The following ADPRHL1 variants were observed in gnomAD, a reference collection of about 807,000 sequenced individuals.
ADPRHL1 encodes ADP-ribosylhydrolase like 1, also known as inactive ADP-ribosyltransferase ARH2.
Under a neutral mutation model 44.1 loss-of-function variants are expected in ADPRHL1, and 43 were observed. The ratio of observed to expected loss-of-function variants is 0.98; its 90% CI spans 0.76 to 1.26. The LOEUF (loss-of-function observed/expected upper bound fraction) is 1.26, where lower values mean the gene tolerates loss of function less well. ADPRHL1 is among the 50% of genes most tolerant of loss of function. The pLI, the probability that ADPRHL1 is intolerant of heterozygous loss-of-function variation, is 0.00. For synonymous variants in ADPRHL1, 878 were observed against 1,017.4 expected, an observed-to-expected ratio of 0.86 and a Z score of 2.61; for missense variants, 2,022 against 2,496.9, an observed-to-expected ratio of 0.81 and a Z score of 4.05.
intron 7 of ADPRHL1, among the ~76,000 whole-genome samples, chr13:113,408,751 G>A (rs1232404757): frequency 2.7e-5 from 4 of 150,546 alleles, no homozygotes; most frequent in Non-Finnish European, 4.4e-5. Flanking sequence ...AACCGCTCAG[G>A]CTTGGGGTGG....
rs1478858131 is a variant in ADPRHL1, at chr13:113,409,883, C to T, written c.1062-1663G>A. On this transcript the variant is annotated intron_variant, in intron 7 of 7. Transcript: ENST00000612156. The surrounding 1 kb of genome is among the most constrained non-coding windows in gnomAD (Gnocchi z 4.2). The stretch of plus-strand genomic sequence containing the variant: ...CAGCCTGAGCGACAGAGCGAGACTC[C>T]GTCTCAAAAAAAAAAAAAAAAAAAA... 5.9e-5 allele frequency: 50 copies of T among 851,986 alleles called. No homozygotes were observed. The highest frequency in any genetic ancestry group is 5.8e-4 in the Middle Eastern group (1 of 1,716). 52.8% of individuals were successfully genotyped at this position (851,986 alleles called of 1,614,324 possible).
In ADPRHL1 at chr13:113,439,463, T is replaced by C. The variant is rs1177203705; in HGVS notation, c.379+4962A>G. Among the ~76,000 whole-genome samples, 548 of 121,582 alleles carry C rather than the reference T, an allele frequency of 4.5e-3. 1 individual carries two copies. The highest frequency in any genetic ancestry group is 0.016 in the African/African-American group (529 of 32,880). 79.8% of individuals were successfully genotyped at this position (121,582 alleles called of 152,430 possible). A position where few individuals can be genotyped will look rare whatever the true frequency, so the allele number is the denominator to read the frequency against. On this transcript the variant is annotated intron_variant, in intron 2 of 7. Transcript: ENST00000612156. Reference sequence around the variant, plus strand: ...CTTTGTATTTTTTTTTTTTTTTTTTTCCTGAGACGGCGTCTTGCTCTGTCG... The same window carrying C: ...CTTTGTATTTTTTTTTTTTTTTTTTCCCTGAGACGGCGTCTTGCTCTGTCG...
intron 6 of ADPRHL1, among the ~76,000 whole-genome samples, chr13:113,423,266 A>C (rs1199067966): frequency 1.3e-5 from 2 of 150,544 alleles, no homozygotes; most frequent in East Asian, 2.0e-4. Flanking sequence ...CAAAAAAAAA[A>C]CAACAAACCC....
In ADPRHL1 at chr13:113,441,076, C is replaced by A. The variant is rs536517192; in HGVS notation, c.379+3349G>T. Among the ~76,000 whole-genome samples, 46 of 152,180 alleles carry A rather than the reference C, an allele frequency of 3.0e-4. No individual in the cohort carries two copies. The East Asian group carries it at 8.9e-3, about 30-fold the overall frequency. On this transcript the variant is annotated intron_variant, in intron 2 of 7. Transcript: ENST00000612156. The surrounding 1 kb of genome is among the most constrained non-coding windows in gnomAD (Gnocchi z 6.0). Reference sequence around the variant, plus strand: ...GTGGAGGCAGGAGAATCAGCTGAACCCGGGAAGTAGAGGTTGCAGTGAGCC... The same window carrying A: ...GTGGAGGCAGGAGAATCAGCTGAACACGGGAAGTAGAGGTTGCAGTGAGCC...
At chr13:113,415,996 AGGGGCCC>A (rs2043885547) in intron 7 of ADPRHL1, among the ~76,000 whole-genome samples, 1 of 152,010 alleles carries the variant, frequency 6.6e-6, no homozygotes, top group Non-Finnish European at 1.5e-5. Context: ...CTGGAAGGCC[AGGGGCCC>A]GGCTGGGATC....
chr13:113,424,875 TTTAC>T (rs2043956448), intron 5 of ADPRHL1, among the ~76,000 whole-genome samples, 173 bp downstream of exon 5: 1 of 122,016 alleles, frequency 8.2e-6, no homozygotes, highest in African/African-American at 3.1e-5. Context: ...CACCCACCCA[TTTAC>T]TTACCCATCC....
intron 1 of ADPRHL1, among the ~76,000 whole-genome samples, chr13:113,447,214 C>T (rs1316470235): frequency 1.9e-4 from 20 of 104,130 alleles, no homozygotes; most frequent in South Asian, 1.1e-3. Flanking sequence ...GTGTGCATGG[C>T]GTCTACACGC....
At chr13:113,443,271 T>C (rs921553522) in intron 2 of ADPRHL1, among the ~76,000 whole-genome samples, 7 of 152,172 alleles carry the variant, frequency 4.6e-5, no homozygotes, top group Non-Finnish European at 1.0e-4. Flanking sequence ...GGGATACAGT[T>C]AATTTACTTG....
rs371620550 is a variant in ADPRHL1, at chr13:113,429,155, G to A, written c.506-63C>T. 5.5e-5 allele frequency: 86 copies of A among 1,556,046 alleles called. No homozygotes were observed. The East Asian group carries it at 1.3e-3, about 23-fold the overall frequency. On this transcript the variant is annotated intron_variant, in intron 3 of 7. Transcript: ENST00000612156. ...GGGCCGCTTGGGAGGGCCTGGGGCC[G>A]CCCGCCACGCTGCGTGGGACTCCCG...
chr13:113,445,813 G>A (rs1002356195), intron 1 of ADPRHL1, among the ~76,000 whole-genome samples: 5 of 151,988 alleles, frequency 3.3e-5, no homozygotes, highest in African/African-American at 1.2e-4. Context: ...CCTCCTCCAG[G>A]ACATGAAACC....
intron 2 of ADPRHL1, among the ~76,000 whole-genome samples, chr13:113,436,871 G>C (rs1255952521): frequency 3.5e-5 from 4 of 115,300 alleles, no homozygotes; most frequent in East Asian, 2.9e-4. Context: ...CCGGCACCCA[G>C]GTGTAGAGTG....
At chr13:113,433,970 A>G in intron 2 of ADPRHL1, 103 bp from the exon 3 acceptor site, 2 of 1,418,840 alleles carry the variant, frequency 1.4e-6, no homozygotes, top group Non-Finnish European at 1.9e-6. Context: ...AATTTGTGTA[A>G]TAACATGTTA....
At chr13:113,427,198 A>G (rs2043974029) in intron 4 of ADPRHL1, among the ~76,000 whole-genome samples, 1 of 152,236 alleles carries the variant, frequency 6.6e-6, no homozygotes, top group Admixed American at 6.5e-5. Flanking sequence ...GATAATTCCA[A>G]CTGTTCTCAG....
At position 113,399,925 on chromosome 13, in the gene ADPRHL1, C is replaced by T. The variant is rs1045910388; in HGVS notation, c.*3453G>A. 4 of 151,756 alleles carry T rather than the reference C, an allele frequency of 2.6e-5. 1 individual carries two copies. The highest frequency in any genetic ancestry group is 7.3e-5 in the African/African-American group (3 of 41,338). The allele number at this position is 151,756 out of a possible 1,614,324, so 9.4% of individuals were successfully genotyped here. ...GTCCTGAACATGACCACATTCTCGT[C>T]GCCGTCTCGGGACCTTCCTGCCGCC... is the stretch of plus-strand genomic sequence containing the variant. On this transcript the variant is annotated 3_prime_UTR_variant, in exon 8 of 8. Transcript: ENST00000612156.
intron 1 of ADPRHL1, among the ~76,000 whole-genome samples, chr13:113,451,378 C>T (rs2044178452): frequency 6.6e-6 from 1 of 152,098 alleles, no homozygotes; most frequent in Admixed American, 6.6e-5. Flanking sequence ...GCTTGCCGCC[C>T]ACAGTAAGCA....
rs2043801603 is a variant in ADPRHL1 at position 113,405,531 on chromosome 13, C to T, written c.3751G>A (p.Glu1251Lys). 2.4e-6 allele frequency: 3 copies of T among 1,231,986 alleles called. No individual in the cohort carries two copies. In the Admixed American group the frequency reaches 1.3e-4, roughly 52 times the overall value. The allele number at this position is 1,231,986 out of a possible 1,614,324, so 76.3% of individuals were successfully genotyped here. A position where few individuals can be genotyped will look rare whatever the true frequency, so the allele number is the denominator to read the frequency against. Reference protein sequence around the residue: ...AVGGRKDVAVEGNLLGFSTES... With the variant: ...AVGGRKDVAVKGNLLGFSTES... ...GTGCTGAAACCCAAAAGGTTTCCTT[C>T]CACAGCCACATCCTTTCTGCCTCCT... The change falls in exon 8 of 8, where the codon GAA (glutamate) becomes AAA (lysine). Residue 1251 changes from glutamate (E) to lysine (K), a missense_variant. Coordinates refer to ENST00000612156, the MANE Select transcript of ADPRHL1 (RefSeq NM_001394807.1).
chr13:113,447,783 C>T (rs746116186), intron 1 of ADPRHL1, among the ~76,000 whole-genome samples: 37 of 152,184 alleles, frequency 2.4e-4, no homozygotes, highest in Admixed American at 3.9e-4. Flanking sequence ...GTCACCTTCG[C>T]CTGCACCCGA....
rs2043800831 is a variant in ADPRHL1 at position 113,405,461 on chromosome 13, C to T, written c.3821G>A (p.Arg1274Lys). The T allele has an allele frequency of 8.1e-7, 1 of 1,231,982 alleles. No individual in the cohort carries two copies. Among genetic ancestry groups the T allele is most frequent in the South Asian group, 4.1e-5 (1 of 24,332 alleles). The allele number at this position is 1,231,982 out of a possible 1,614,324, so 76.3% of individuals were successfully genotyped here. A position where few individuals can be genotyped will look rare whatever the true frequency, so the allele number is the denominator to read the frequency against. The change falls in exon 8 of 8, where the codon AGG becomes AAG. Residue 1274 changes from arginine to lysine, a missense_variant. Arg to Lys is a conservative substitution (Grantham distance 26). Around this residue, in one of 8 missense-constraint regions of ADPRHL1, gnomAD observed 1,221 missense variants for 1,517.8 expected, o/e 0.80. Coordinates refer to ENST00000612156, the MANE Select transcript of ADPRHL1 (RefSeq NM_001394807.1). ...ATAGCTGGGGGACTCTGCCACGCTCCTTGCCTGTGGCCTAGGATGATCAGA... is the reference window on the plus strand; with the variant it reads ...ATAGCTGGGGGACTCTGCCACGCTCTTTGCCTGTGGCCTAGGATGATCAGA... ...PASDHPRPQA[R>K]SVAESPSYGP...
chr13:113,407,851 C>T lies in ADPRHL1; in HGVS notation c.1431G>A (p.Lys477=). Residue 477 remains lysine (K), a synonymous_variant, in exon 8 of 8, where the codon AAG becomes AAA. Coordinates refer to ENST00000612156, the MANE Select transcript of ADPRHL1 (RefSeq NM_001394807.1). Reference sequence around the variant, plus strand: ...AGGGCTTTGGGGCCGGCTCCTTGGTCTTCTCCAGGAGCTTGTTGATGGTGG... The same window carrying T: ...AGGGCTTTGGGGCCGGCTCCTTGGTTTTCTCCAGGAGCTTGTTGATGGTGG... The part of the protein sequence containing the change: ...VGATINKLLE[K]TKEPAPKPCL... 1 of 1,231,970 alleles carries T rather than the reference C, an allele frequency of 8.1e-7. No individual in the cohort carries two copies. Among genetic ancestry groups the T allele is most frequent in the Non-Finnish European group, 1.0e-6 (1 of 988,006 alleles). 76.3% of individuals were successfully genotyped at this position (1,231,970 alleles called of 1,614,324 possible). A position where few individuals can be genotyped will look rare whatever the true frequency, so the allele number is the denominator to read the frequency against.
Sources: allele counts gnomAD v4.1 joint callset (sites outside exome capture counted in the v4.1 genomes callset), GRCh38; gene constraint gnomAD v4.1.1; regional missense constraint gnomAD v4.1.1; non-coding constraint Gnocchi (gnomAD v3.1); transcripts MANE v1.5; gene names NCBI Gene and HGNC (gene_info 2026-07-23, HGNC 2026-07-21).